The following CCDC7 variants were observed in gnomAD, a reference collection of about 807,000 sequenced individuals.
CCDC7 encodes coiled-coil domain-containing protein 7.
In CCDC7, 183 loss-of-function variants were observed where a neutral mutation model predicts 196.9. That is an observed-to-expected ratio of 0.93 (90% confidence interval 0.82 to 1.05). The LOEUF is 1.05. Ranked by LOEUF, CCDC7 falls within the 50% of genes least tolerant of loss-of-function variation. The pLI is 0.00. For synonymous variants in CCDC7, 525 were observed against 484.6 expected (o/e 1.08, Z -1.10); for missense variants, 1,540 against 1,482.2 (o/e 1.04, Z -0.64).
intron 18 of CCDC7, among the ~76,000 whole-genome samples, chr10:32,589,998 T>C (rs2059638798): frequency 6.6e-6 from 1 of 152,178 alleles, no homozygotes; most frequent in African/African-American, 2.4e-5. Context: ...ATATTGATTT[T>C]TTCAAATCTA....
At chr10:32,844,189 C>G (rs139772480) in intron 33 of CCDC7, among the ~76,000 whole-genome samples, 87 of 151,966 alleles carry the variant, frequency 5.7e-4, no homozygotes, top group African/African-American at 2.0e-3. Flanking sequence ...ATGTATTTTT[C>G]CTGTTATATG....
Position 32,731,864 on chromosome 10 carries a change from T to C in CCDC7, c.2905+2407T>C, listed in dbSNP as rs377268376. 2.0e-5 allele frequency among the ~76,000 whole-genome samples: 3 copies of C among 152,244 alleles called. No individual in the cohort carries two copies. The East Asian group carries it at 5.8e-4, about 29-fold the overall frequency. Reference sequence around the variant, plus strand: ...TTCAGGAGATCGAGACCATCCTGGCTAACACGATGAAACCTCGTATCTACT... The same window carrying C: ...TTCAGGAGATCGAGACCATCCTGGCCAACACGATGAAACCTCGTATCTACT... On this transcript the variant is annotated intron_variant, in intron 28 of 41. Transcript: ENST00000639629.
At chr10:32,805,792 A>G (rs781297120) in intron 30 of CCDC7, among the ~76,000 whole-genome samples, 2 of 152,198 alleles carry the variant, frequency 1.3e-5, no homozygotes, top group Admixed American at 6.5e-5. Flanking sequence ...GAGGCTTCAC[A>G]TTGCAGGATG....
upstream of CCDC7, among the ~76,000 whole-genome samples, chr10:32,450,397 A>T (rs2032722245): frequency 6.6e-6 from 1 of 152,230 alleles, no homozygotes; most frequent in South Asian, 2.1e-4. Context: ...AAGTAAGGTC[A>T]CATTCAAAGT....
intron 32 of CCDC7, among the ~76,000 whole-genome samples, chr10:32,829,990 C>T (rs1039130952): frequency 1.3e-5 from 2 of 150,756 alleles, no homozygotes; most frequent in African/African-American, 4.9e-5. Flanking sequence ...ACTCCAGGTT[C>T]TTCAGTTTTG....
chr10:32,489,513 C>G (rs2041826326), intron 8 of CCDC7, among the ~76,000 whole-genome samples: 1 of 152,160 alleles, frequency 6.6e-6, no homozygotes, highest in South Asian at 2.1e-4. Context: ...GGGCCCTGGG[C>G]AAGGCTAGCA....
intron 11 of CCDC7, among the ~76,000 whole-genome samples, chr10:32,542,792 A>G (rs1347200529): frequency 1.3e-5 from 2 of 152,148 alleles, no homozygotes; most frequent in African/African-American, 4.8e-5. Flanking sequence ...AACCTATTCA[A>G]TGCTCACTTT....
intron 24 of CCDC7, among the ~76,000 whole-genome samples, chr10:32,704,131 C>A (rs1400656870): frequency 2.0e-5 from 3 of 152,020 alleles, no homozygotes; most frequent in Non-Finnish European, 4.4e-5. Context: ...TTGTTTTTTC[C>A]CCATCTTTGT....
chr10:32,671,445 T>G (rs1328217020), intron 21 of CCDC7, among the ~76,000 whole-genome samples: 4 of 152,170 alleles, frequency 2.6e-5, no homozygotes, highest in African/African-American at 9.6e-5. Context: ...TGTAGGTTTA[T>G]GCAATGATAA....
intron 21 of CCDC7, among the ~76,000 whole-genome samples, chr10:32,682,096 C>T (rs77402754): frequency 0.14 from 21,795 of 151,998 alleles, 1,904 homozygotes; most frequent in African/African-American, 0.25. Flanking sequence ...TGCTGGAGTT[C>T]GATGTACAAA....
chr10:32,563,702 A>C (rs535006854), intron 13 of CCDC7, among the ~76,000 whole-genome samples: 1 of 152,320 alleles, frequency 6.6e-6, no homozygotes, highest in South Asian at 2.1e-4. Flanking sequence ...AAACCCTAGA[A>C]GAAAACCTAG....
At chr10:32,616,827 CT>C (rs1180922438) in intron 18 of CCDC7, among the ~76,000 whole-genome samples, 1 of 151,508 alleles carries the variant, frequency 6.6e-6, no homozygotes, top group Non-Finnish European at 1.5e-5. Context: ...TTGAAGTATG[CT>C]TTTTTTATGC....
At chr10:32,814,256 C>T (rs2087857202) in intron 30 of CCDC7, 114 bp from the exon 32 acceptor site, 1 of 769,900 alleles carries the variant, frequency 1.3e-6, no homozygotes, top group Non-Finnish European at 2.1e-6. Flanking sequence ...CCGTGCCCAG[C>T]CACAAATATT....
intron 18 of CCDC7, chr10:32,623,932 A>G (rs905379307): frequency 8.5e-6 from 3 of 351,188 alleles, no homozygotes; most frequent in African/African-American, 6.4e-5. Context: ...TAAACTGTTC[A>G]TGAGGGATCC....
intron 13 of CCDC7, among the ~76,000 whole-genome samples, chr10:32,551,404 G>T (rs1010033030): frequency 6.6e-6 from 1 of 151,762 alleles, no homozygotes; most frequent in African/African-American, 2.4e-5. Flanking sequence ...ATTTAGTTCT[G>T]CTCTGATCTT....
intron 18 of CCDC7, among the ~76,000 whole-genome samples, chr10:32,604,030 A>C (rs1222732355): frequency 6.6e-6 from 1 of 152,122 alleles, no homozygotes; most frequent in Non-Finnish European, 1.5e-5. Context: ...GGCTAGACCA[A>C]TGTCCTAGAG....
chr10:32,451,996 C>T (rs2033191976), intron 1 of CCDC7, 75 bp downstream of exon 2: 1 of 1,479,750 alleles, frequency 6.8e-7, no homozygotes, highest in Admixed American at 2.5e-5. Context: ...TAGGAGGACT[C>T]ACATGACTCC....
chr10:32,711,122 G>A (rs553639065), intron 24 of CCDC7, among the ~76,000 whole-genome samples: 34 of 144,466 alleles, frequency 2.4e-4, no homozygotes, highest in African/African-American at 9.3e-4. Context: ...TCTGGTGTGT[G>A]TGTGTATATA....
chr10:32,510,169 G>T (rs895038979), intron 9 of CCDC7, among the ~76,000 whole-genome samples: 3 of 152,132 alleles, frequency 2.0e-5, no homozygotes, highest in African/African-American at 7.2e-5. Context: ...GCATACAACA[G>T]AATATTATTC....
Sources: allele counts gnomAD v4.1 joint callset (sites outside exome capture counted in the v4.1 genomes callset), GRCh38; gene constraint gnomAD v4.1.1; transcripts MANE v1.5; gene names NCBI Gene and HGNC (gene_info 2026-07-23, HGNC 2026-07-21).